Variants in ADGRL3 observed in about 807,000 individuals in gnomAD.
ADGRL3 encodes calcium-independent alpha-latrotoxin receptor 3.
A neutral mutation model predicts 153.5 loss-of-function variants in ADGRL3; 62 were observed. That is an observed-to-expected ratio of 0.40 (90% CI 0.33 to 0.50). ADGRL3 has a LOEUF of 0.50. ADGRL3 is among the 20% of genes least tolerant of loss of function. The pLI, the probability that ADGRL3 is intolerant of heterozygous loss-of-function variation, is 0.47. For missense variants in ADGRL3, 1,641 were observed against 1,859.4 expected, an observed-to-expected ratio of 0.88 and a Z score of 2.16; for synonymous variants, 710 against 672.5, an observed-to-expected ratio of 1.06 and a Z score of -0.86.
At chr4:61,985,146 CAG>C (rs1334003324) in intron 19 of ADGRL3, among the ~76,000 whole-genome samples, 2 of 151,852 alleles carry the variant, frequency 1.3e-5, no homozygotes, top group Non-Finnish European at 2.9e-5. Context: ...ACTAATTTTA[CAG>C]GTGAGAAAAT....
chr4:61,644,828 C>T (rs1275663185), intron 5 of ADGRL3, among the ~76,000 whole-genome samples: 1 of 151,976 alleles, frequency 6.6e-6, no homozygotes, highest in Non-Finnish European at 1.5e-5. Context: ...GAGTTCAATT[C>T]CTGGGTATCC....
At chr4:61,595,282 T>G (rs2098984441) in intron 5 of ADGRL3, among the ~76,000 whole-genome samples, 1 of 152,162 alleles carries the variant, frequency 6.6e-6, no homozygotes, top group African/African-American at 2.4e-5. Context: ...GGGTCTTTTC[T>G]GAAGCCAGCA....
chr4:61,988,842 G>A (rs992783692), intron 19 of ADGRL3, among the ~76,000 whole-genome samples: 21 of 152,022 alleles, frequency 1.4e-4, no homozygotes, highest in Non-Finnish European at 2.8e-4. Context: ...TTGATGAATA[G>A]TTTCTAAATA....
chr4:61,256,022 T>G (rs888905190), intron 1 of ADGRL3, among the ~76,000 whole-genome samples: 1 of 152,230 alleles, frequency 6.6e-6, no homozygotes, highest in African/African-American at 2.4e-5. Flanking sequence ...GCTGCAGTTG[T>G]TGGATCTACT....
chr4:61,558,122 AT>A (rs2148921551), intron 4 of ADGRL3, among the ~76,000 whole-genome samples: 1 of 145,608 alleles, frequency 6.9e-6, no homozygotes, highest in African/African-American at 2.5e-5. Flanking sequence ...ATATATATAT[AT>A]GTAGGAATCA....
intron 2 of ADGRL3, among the ~76,000 whole-genome samples, chr4:61,390,114 A>G (rs1050586522): frequency 3.9e-5 from 6 of 152,182 alleles, no homozygotes; most frequent in Admixed American, 6.6e-5. Flanking sequence ...CTTATGTTAA[A>G]TTTTAAAATA....
intron 2 of ADGRL3, among the ~76,000 whole-genome samples, chr4:61,408,088 A>G (rs2097027178): frequency 6.6e-6 from 1 of 152,100 alleles, no homozygotes; most frequent in African/African-American, 2.4e-5. Context: ...AGGAAAGGAA[A>G]TAAGAGAAAA....
chr4:61,713,821 G>A (rs1419536257), intron 6 of ADGRL3, among the ~76,000 whole-genome samples: 1 of 151,970 alleles, frequency 6.6e-6, no homozygotes, highest in Non-Finnish European at 1.5e-5. Flanking sequence ...GCTATTCAAG[G>A]GCTAACTTCG....
At chr4:61,280,999 A>G (rs1024647537) in intron 1 of ADGRL3, among the ~76,000 whole-genome samples, 2 of 152,056 alleles carry the variant, frequency 1.3e-5, no homozygotes, top group African/African-American at 4.8e-5. Context: ...AAAGCTCTGG[A>G]ATATTATGCA....
At chr4:61,635,846 C>A (rs1046405689) in intron 5 of ADGRL3, among the ~76,000 whole-genome samples, 3 of 151,992 alleles carry the variant, frequency 2.0e-5, no homozygotes, top group African/African-American at 7.2e-5. Context: ...ATTGTCTTTC[C>A]CTCTGTGTGT....
intron 9 of ADGRL3, among the ~76,000 whole-genome samples, chr4:61,873,557 A>T (rs1228645761): frequency 6.6e-6 from 1 of 152,188 alleles, no homozygotes; most frequent in Non-Finnish European, 1.5e-5. Flanking sequence ...TGTATTTCTG[A>T]AAGCCATCCA....
At chr4:61,488,643 C>T (rs998439928) in intron 2 of ADGRL3, among the ~76,000 whole-genome samples, 12 of 151,820 alleles carry the variant, frequency 7.9e-5, no homozygotes, top group Admixed American at 4.6e-4. Context: ...TGTTTTTTTC[C>T]GTTTTCCCTC....
intron 19 of ADGRL3, among the ~76,000 whole-genome samples, chr4:61,995,910 G>A (rs1366460798): frequency 2.0e-5 from 3 of 152,166 alleles, no homozygotes; most frequent in Admixed American, 6.6e-5. Context: ...TTGCCTGACA[G>A]CTGATAGACA....
At chr4:61,512,819 T>TAGGC (rs1340761212) in intron 3 of ADGRL3, among the ~76,000 whole-genome samples, 1 of 152,048 alleles carries the variant, frequency 6.6e-6, no homozygotes, top group Non-Finnish European at 1.5e-5. Flanking sequence ...TACAAAGGAT[T>TAGGC]AGGCGGGTAT....
chr4:62,070,819 A>G lies in ADGRL3; in HGVS notation c.4543A>G (p.Ser1515Gly), dbSNP rs943187109. 1 of 1,551,584 alleles carries G rather than the reference A, an allele frequency of 6.4e-7. No homozygotes were observed. Among genetic ancestry groups the G allele is most frequent in the African/African-American group, 1.4e-5 (1 of 73,044 alleles). The change falls in exon 27 of 27, where the codon AGT becomes GGT. Residue 1515 changes from serine (S) to glycine (G), a missense_variant. Physicochemically the swap from Ser to Gly is moderately conservative, Grantham distance 56. This residue lies in a region of ADGRL3 where 517 missense variants were observed against 555.0 expected (regional missense o/e 0.93). Transcript: ENST00000683033. ...HTYYQLGRGS[S>G]DGFIVPPNKD... ...TTACTACCAGCTAGGTCGCGGCAGC[A>G]GTGATGGATTTATAGTTCCTCCAAA...
At chr4:61,308,718 T>C (rs1274723382) in intron 1 of ADGRL3, among the ~76,000 whole-genome samples, 1 of 152,050 alleles carries the variant, frequency 6.6e-6, no homozygotes, top group African/African-American at 2.4e-5. Flanking sequence ...AGTAGAAAAA[T>C]TAAAATGCAT....
rs571236117 is a variant in ADGRL3, at chr4:61,471,894, A to C, written c.-173-25227A>C. ...ATGTCATGATTACAGAAGTAGAAGG[A>C]AATGTATTTAAGAAATACAGTATAA... On this transcript the variant is annotated intron_variant, in intron 2 of 26. Coordinates refer to ENST00000683033, the MANE Select transcript of ADGRL3 (RefSeq NM_001387552.1). Among the ~76,000 whole-genome samples the C allele has an allele frequency of 4.9e-4, 75 of 152,188 alleles. 1 individual carries two copies. The highest frequency in any genetic ancestry group is 5.0e-4 in the Non-Finnish European group (34 of 67,954).
chr4:61,670,948 G>A (rs566654289), intron 5 of ADGRL3, among the ~76,000 whole-genome samples: 57 of 152,276 alleles, frequency 3.7e-4, no homozygotes, highest in African/African-American at 1.3e-3. Context: ...CAACTAGAAA[G>A]TCCTTTCTGA....
At chr4:61,751,019 G>C (rs941822455) in intron 8 of ADGRL3, among the ~76,000 whole-genome samples, 4 of 152,130 alleles carry the variant, frequency 2.6e-5, no homozygotes, top group Admixed American at 2.0e-4. Context: ...TACTGCCTGA[G>C]CTCCGCCTCC....
Sources: allele counts gnomAD v4.1 joint callset (sites outside exome capture counted in the v4.1 genomes callset), GRCh38; gene constraint gnomAD v4.1.1; regional missense constraint gnomAD v4.1.1; transcripts MANE v1.5; gene names NCBI Gene and HGNC (gene_info 2026-07-23, HGNC 2026-07-21).